Variants in EIPR1 observed in about 807,000 individuals in gnomAD.
The protein encoded by EIPR1 is EARP complex and GARP complex interacting protein 1, also known as EARP and GARP complex-interacting protein 1.
EIPR1 carries 25 observed loss-of-function variants against 48.1 expected under a neutral mutation model. The ratio of observed to expected loss-of-function variants is 0.52; its 90% CI spans 0.38 to 0.73. The LOEUF is 0.73. Among genes scored for constraint, EIPR1 ranks in the 30% least tolerant of loss-of-function variants. The probability of loss-of-function intolerance (pLI) is 0.00; values close to 1 mark genes in which losing one functional copy is unlikely to be tolerated. For missense variants in EIPR1, 415 were observed against 506.2 expected, an observed-to-expected ratio of 0.82 and a Z score of 1.73; for synonymous variants, 204 against 201.9, an observed-to-expected ratio of 1.01 and a Z score of -0.09.
intron 3 of EIPR1, among the ~76,000 whole-genome samples, chr2:3,322,524 G>A (rs1269063436): frequency 1.3e-5 from 2 of 152,174 alleles, no homozygotes; most frequent in Non-Finnish European, 2.9e-5. Flanking sequence ...AGAGATTACA[G>A]GACTGATTTT....
chr2:3,270,322 C>T (rs916158133), intron 3 of EIPR1, among the ~76,000 whole-genome samples: 1 of 152,196 alleles, frequency 6.6e-6, no homozygotes, highest in Non-Finnish European at 1.5e-5. Flanking sequence ...CGCAGAGGGC[C>T]TGGGGTGTGT....
chr2:3,189,105 T>C lies in EIPR1; in HGVS notation c.*229A>G, dbSNP rs1016611823. The C allele has an allele frequency of 8.8e-5, 36 of 407,692 alleles. No individual in the cohort carries two copies. The highest frequency in any genetic ancestry group is 1.4e-4 in the Non-Finnish European group (32 of 231,034). The allele number at this position is 407,692 out of a possible 1,614,324, so 25.3% of individuals were successfully genotyped here. On this transcript the variant is annotated 3_prime_UTR_variant, in exon 9 of 9. Coordinates refer to ENST00000382125, the MANE Select transcript of EIPR1 (RefSeq NM_003310.5). This position sits in a 1 kb window ranked among gnomAD's most constrained non-coding sequence, Gnocchi z 4.6. ...GAAAACATTGTTATTCACATAATAA[T>C]GTGGGGCTCTGTCTCTGCCGACAGG... is the stretch of plus-strand genomic sequence containing the variant.
chr2:3,242,505 T>C (rs543273507), intron 4 of EIPR1, among the ~76,000 whole-genome samples: 6 of 127,510 alleles, frequency 4.7e-5, no homozygotes, highest in African/African-American at 6.4e-5. Context: ...ATTTCAGGCC[T>C]CCGACTCCAC....
At chr2:3,241,617 A>G (rs1327311555) in intron 4 of EIPR1, among the ~76,000 whole-genome samples, 1 of 152,112 alleles carries the variant, frequency 6.6e-6, no homozygotes, top group Non-Finnish European at 1.5e-5. Context: ...AGTCTCTCCC[A>G]CTGAATTGGA....
intron 4 of EIPR1, among the ~76,000 whole-genome samples, chr2:3,254,595 A>ATC (rs1327696904): frequency 5.9e-5 from 9 of 152,244 alleles, no homozygotes; most frequent in African/African-American, 2.2e-4. Flanking sequence ...AGTAAAGAAC[A>ATC]TCAGTTATTA....
chr2:3,246,821 G>A lies in EIPR1; in HGVS notation c.416+10478C>T, dbSNP rs192212250. 5.1e-3 allele frequency among the ~76,000 whole-genome samples: 171 copies of A among 33,438 alleles called. 1 individual carries two copies. The highest frequency in any genetic ancestry group is 0.033 in the Middle Eastern group (1 of 30). The allele number at this position is 33,438 out of a possible 152,430, so 21.9% of individuals were successfully genotyped here. A position where few individuals can be genotyped will look rare whatever the true frequency, so the allele number is the denominator to read the frequency against. On this transcript the variant is annotated intron_variant, in intron 4 of 8. Transcript: ENST00000382125. ...GGAGGGAGGCAGGGAGGGAGGGAGG[G>A]AGGAAGGGAGGGAAGGAGGAAGGGA...
intron 4 of EIPR1, among the ~76,000 whole-genome samples, chr2:3,230,627 T>C (rs1384678796): frequency 1.3e-5 from 2 of 152,224 alleles, no homozygotes; most frequent in East Asian, 1.9e-4. Context: ...TCCCATTGTG[T>C]ATTCTTGGTA....
chr2:3,334,589 G>A (rs868582030), intron 3 of EIPR1, among the ~76,000 whole-genome samples: 1 of 152,228 alleles, frequency 6.6e-6, no homozygotes, highest in African/African-American at 2.4e-5. Context: ...GAGACGTGGC[G>A]CCGTGTGTGC....
rs7580968 is a variant in EIPR1 at position 3,199,070 on chromosome 2, C to A, written c.517-2053G>T. 2.7e-4 allele frequency among the ~76,000 whole-genome samples: 14 copies of A among 52,520 alleles called. 3 individuals are homozygous for A. The highest frequency in any genetic ancestry group is 6.2e-4 in the African/African-American group (11 of 17,810). The allele number at this position is 52,520 out of a possible 152,430, so 34.5% of individuals were successfully genotyped here. A position where few individuals can be genotyped will look rare whatever the true frequency, so the allele number is the denominator to read the frequency against. ...GTGGCCATTTTAGAGGGCCCCCCCC[C>A]CGCCCCGGGAATGCATTCTTTTCCC... is the stretch of plus-strand genomic sequence containing the variant. On this transcript the variant is annotated intron_variant, in intron 5 of 8. Coordinates refer to ENST00000382125, the MANE Select transcript of EIPR1 (RefSeq NM_003310.5).
chr2:3,370,117 C>T (rs1464508149), intron 1 of EIPR1, among the ~76,000 whole-genome samples: 3 of 152,176 alleles, frequency 2.0e-5, no homozygotes, highest in Admixed American at 6.5e-5. Flanking sequence ...CTGCTGATAC[C>T]CAGGCAAACA....
intron 1 of EIPR1, among the ~76,000 whole-genome samples, chr2:3,366,188 A>T (rs1670970698): frequency 6.6e-6 from 1 of 152,150 alleles, no homozygotes; most frequent in South Asian, 2.1e-4. Context: ...TGCACCTGTA[A>T]TCCCAGCTAC....
intron 4 of EIPR1, among the ~76,000 whole-genome samples, chr2:3,255,588 C>T (rs1308015824): frequency 2.0e-5 from 3 of 152,234 alleles, no homozygotes; most frequent in Non-Finnish European, 4.4e-5. Context: ...TCTTTGCATA[C>T]AGTGTCTGCA....
intron 3 of EIPR1, among the ~76,000 whole-genome samples, chr2:3,274,600 A>G (rs774366008): frequency 6.6e-6 from 1 of 152,208 alleles, no homozygotes; most frequent in Non-Finnish European, 1.5e-5. Flanking sequence ...TGGAAAATAA[A>G]GAAAGTGATC....
intron 3 of EIPR1, among the ~76,000 whole-genome samples, chr2:3,323,951 T>A (rs1253640274): frequency 6.6e-6 from 1 of 152,204 alleles, no homozygotes; most frequent in African/African-American, 2.4e-5. Flanking sequence ...GGCTGAACAC[T>A]CTTGGAAGGT....
At position 3,369,040 on chromosome 2, in the gene EIPR1, A is replaced by G. The variant is rs528899499; in HGVS notation, c.42+8608T>C. Among the ~76,000 whole-genome samples, 43 of 152,346 alleles carry G rather than the reference A, an allele frequency of 2.8e-4. No individual in the cohort carries two copies. The South Asian group carries it at 8.1e-3, about 29-fold the overall frequency. ...ATGTCACTGACAAACAAACAAAAAA[A>G]AACACTATCCTTTTCAGTTTTCTTG... On this transcript the variant is annotated intron_variant, in intron 1 of 8. Transcript: ENST00000382125.
At chr2:3,220,494 C>T (rs1460011026) in intron 4 of EIPR1, among the ~76,000 whole-genome samples, 1 of 152,138 alleles carries the variant, frequency 6.6e-6, no homozygotes, top group African/African-American at 2.4e-5. Flanking sequence ...GGCCGTGGTA[C>T]ATTCTAGAGC....
chr2:3,291,331 G>C (rs1447158230), intron 3 of EIPR1, among the ~76,000 whole-genome samples: 1 of 151,898 alleles, frequency 6.6e-6, no homozygotes, highest in Admixed American at 6.6e-5. Flanking sequence ...CGGGCTGCAC[G>C]CACAGTTCTG....
chr2:3,214,544 G>A (rs142817461), intron 4 of EIPR1: 7 of 232,882 alleles, frequency 3.0e-5, no homozygotes, highest in African/African-American at 1.1e-4. Flanking sequence ...CACATCCGTC[G>A]TAAGTTTAAA....
At chr2:3,346,127 C>A (rs941019362) in intron 2 of EIPR1, among the ~76,000 whole-genome samples, 7 of 152,248 alleles carry the variant, frequency 4.6e-5, no homozygotes, top group African/African-American at 1.7e-4. Context: ...GAGCATAGGC[C>A]CATGCGGGAG....
Sources: allele counts gnomAD v4.1 joint callset (sites outside exome capture counted in the v4.1 genomes callset), GRCh38; gene constraint gnomAD v4.1.1; non-coding constraint Gnocchi (gnomAD v3.1); transcripts MANE v1.5; gene names NCBI Gene and HGNC (gene_info 2026-07-23, HGNC 2026-07-21).